Variants in PLSCR2 observed in about 807,000 individuals in gnomAD.
PLSCR2 encodes the protein PL scramblase 2.
A neutral mutation model predicts 25.3 loss-of-function variants in PLSCR2; 18 were observed. The ratio of observed to expected loss-of-function variants is 0.71; its 90% CI spans 0.49 to 1.06. The LOEUF (loss-of-function observed/expected upper bound fraction) is 1.06. Ranked by LOEUF, PLSCR2 falls within the 50% of genes least tolerant of loss-of-function variation. PLSCR2 has a pLI of 0.00. For synonymous variants in PLSCR2, 88 were observed against 87.3 expected, an observed-to-expected ratio of 1.01 and a Z score of -0.04; for missense variants, 243 against 269.5, an observed-to-expected ratio of 0.90 and a Z score of 0.69.
intron 1 of PLSCR2, among the ~76,000 whole-genome samples, chr3:146,470,985 C>T (rs2042096610): frequency 6.6e-6 from 1 of 151,856 alleles, no homozygotes; most frequent in African/African-American, 2.4e-5. Flanking sequence ...AGTAAGCGCT[C>T]AGTAAATGTT....
intron 1 of PLSCR2, among the ~76,000 whole-genome samples, chr3:146,474,334 GA>G (rs2042215806): frequency 6.6e-6 from 1 of 152,168 alleles, no homozygotes; most frequent in African/African-American, 2.4e-5. Flanking sequence ...CACCAAGGGG[GA>G]AAAGGTATAA....
intron 3 of PLSCR2, among the ~76,000 whole-genome samples, chr3:146,394,625 T>C (rs149883901): frequency 1.2e-4 from 19 of 152,324 alleles, no homozygotes; most frequent in African/African-American, 4.6e-4. Context: ...ATAATGTCAT[T>C]TTGTTAAATG....
rs371066628 is a variant in PLSCR2 at position 146,434,382 on chromosome 3, C to G, written c.*35-865G>C. Among the ~76,000 whole-genome samples the G allele has an allele frequency of 3.7e-4, 56 of 152,040 alleles. No homozygotes were observed. In the South Asian group the frequency reaches 0.011, roughly 30 times the overall value. On this transcript the variant is annotated intron_variant, in intron 8 of 8. Coordinates refer to the PLSCR2 transcript ENST00000336685. ...TAGGAAAAATATAAAATATGTATGC[C>G]TATTTATTCATGAAAGCTTACTTGG...
intron 1 of PLSCR2, chr3:146,494,592 T>G (rs765719189): frequency 2.8e-4 from 42 of 152,178 alleles, no homozygotes; most frequent in South Asian, 8.3e-4. Context: ...GTTACATTGT[T>G]GTATTATTCT....
downstream of PLSCR2, among the ~76,000 whole-genome samples, chr3:146,441,337 C>T (rs1482448149): frequency 6.6e-6 from 1 of 151,836 alleles, no homozygotes; most frequent in Non-Finnish European, 1.5e-5. Flanking sequence ...TCTGAGTACA[C>T]AGTATTTGCA....
Position 146,446,997 on chromosome 3 carries a change from T to C in PLSCR2, c.645+2209A>G, listed in dbSNP as rs561002497. On this transcript the variant is annotated intron_variant, in intron 6 of 6. Transcript: ENST00000610787. ...TTGATGTTAAATATTACCTAGCTTA[T>C]ACTTATGTTCACTGATGTTCACTCA... 8.5e-5 allele frequency among the ~76,000 whole-genome samples: 13 copies of C among 152,354 alleles called. No individual in the cohort carries two copies. In the South Asian group the frequency reaches 2.7e-3, roughly 32 times the overall value.
downstream of PLSCR2, among the ~76,000 whole-genome samples, chr3:146,438,966 C>T (rs566970314): frequency 5.1e-4 from 77 of 152,266 alleles, no homozygotes; most frequent in African/African-American, 1.7e-3. Flanking sequence ...GTAAGGCAGG[C>T]CTGGTGGTGA....
chr3:146,422,362 A>G (rs917063350), intron 2 of PLSCR2, among the ~76,000 whole-genome samples: 3 of 152,050 alleles, frequency 2.0e-5, no homozygotes, highest in Non-Finnish European at 2.9e-5. Flanking sequence ...TTTTTGTGTT[A>G]TTTTTGTCTT....
chr3:146,455,223 G>A lies in PLSCR2; in HGVS notation c.321+16C>T, dbSNP rs778536173. ...CTGAACTACTTTATGAAAAGCTCTAGTAATTGCTCACATACCTCCTGAAGG... is the reference window on the plus strand; with the variant it reads ...CTGAACTACTTTATGAAAAGCTCTAATAATTGCTCACATACCTCCTGAAGG... On this transcript the variant is annotated intron_variant, in intron 4 of 6. Coordinates refer to ENST00000610787, the Ensembl canonical transcript of PLSCR2. The A allele has an allele frequency of 1.0e-5, 16 of 1,540,176 alleles. No individual in the cohort carries two copies. The highest frequency in any genetic ancestry group is 1.0e-4 in the South Asian group (9 of 89,472).
chr3:146,413,751 C>G (rs1297705028), intron 2 of PLSCR2, among the ~76,000 whole-genome samples: 4 of 152,204 alleles, frequency 2.6e-5, no homozygotes, highest in Non-Finnish European at 2.9e-5. Context: ...TTCCTTATAG[C>G]TATTCTCTTC....
intron 6 of PLSCR2, among the ~76,000 whole-genome samples, chr3:146,446,935 C>A (rs1470022980): frequency 6.6e-6 from 1 of 152,196 alleles, no homozygotes; most frequent in Non-Finnish European, 1.5e-5. Context: ...TTGGCCACCA[C>A]CACCCCAGGC....
chr3:146,414,628 A>G (rs1332514500), intron 2 of PLSCR2, among the ~76,000 whole-genome samples: 5 of 151,690 alleles, frequency 3.3e-5, no homozygotes, highest in Non-Finnish European at 5.9e-5. Context: ...ACTCATTTCC[A>G]TGCATTTTGG....
intron 5 of PLSCR2, among the ~76,000 whole-genome samples, chr3:146,452,882 CATACCCACACACCCATAT>C (rs892881442): frequency 1.3e-4 from 19 of 151,946 alleles, no homozygotes; most frequent in African/African-American, 4.6e-4. Context: ...TACACACTCA[CATACCCACACACCCATAT>C]ATACCCACAC....
At chr3:146,399,773 T>TTTC (rs1223573477) in intron 2 of PLSCR2, among the ~76,000 whole-genome samples, 1 of 106,064 alleles carries the variant, frequency 9.4e-6, no homozygotes, top group Non-Finnish European at 2.1e-5. Context: ...TCTTGCTTGC[T>TTTC]TTCTTCTTCC....
At chr3:146,435,172 T>G (rs187685109) in intron 8 of PLSCR2, among the ~76,000 whole-genome samples, 152 of 152,280 alleles carry the variant, frequency 1.0e-3, no homozygotes, top group African/African-American at 3.4e-3. Context: ...AGTCTATCAT[T>G]GATGGATATT....
exon 3 of PLSCR2, chr3:146,458,427 T>C: frequency 6.6e-7 from 1 of 1,504,630 alleles, no homozygotes; most frequent in Non-Finnish European, 9.0e-7. Flanking sequence ...GAAGTTCAAT[T>C]TGCTGATGAA....
chr3:146,494,905 T>C (rs1000716918), intron 1 of PLSCR2: 1 of 152,184 alleles, frequency 6.6e-6, no homozygotes, highest in African/African-American at 2.4e-5. Context: ...GGGTTCACTG[T>C]AGAAACTTGC....
chr3:146,457,708 T>C (rs2041299164), intron 3 of PLSCR2, among the ~76,000 whole-genome samples: 1 of 152,238 alleles, frequency 6.6e-6, no homozygotes, highest in South Asian at 2.1e-4. Flanking sequence ...TGTGGCTCTG[T>C]GCCATTCTAA....
At chr3:146,400,808 A>G (rs2038445016) in intron 2 of PLSCR2, among the ~76,000 whole-genome samples, 1 of 151,898 alleles carries the variant, frequency 6.6e-6, no homozygotes, top group Non-Finnish European at 1.5e-5. Context: ...TTGTATGTAT[A>G]TACATAGGTA....
Sources: gnomAD v4.1 joint callset for allele counts (sites outside exome capture counted in the v4.1 genomes callset) on GRCh38, gnomAD v4.1.1 for gene constraint, MANE v1.5 for transcripts, NCBI Gene and HGNC (gene_info 2026-07-23, HGNC 2026-07-21) for gene names.